Variants in CADPS2 observed in about 807,000 individuals in gnomAD.
The protein encoded by CADPS2 is calcium-dependent secretion activator 2.
A neutral mutation model predicts 172.5 loss-of-function variants in CADPS2; 93 were observed. That is an observed-to-expected ratio of 0.54 (90% CI 0.46 to 0.64). The LOEUF (loss-of-function observed/expected upper bound fraction) is 0.64, where lower values mean the gene tolerates loss of function less well. CADPS2 is among the 30% of genes least tolerant of loss of function. The pLI is 0.00. For missense variants in CADPS2, 1,420 were observed against 1,565.9 expected (o/e 0.91, Z 1.57); for synonymous variants, 546 against 555.2 (o/e 0.98, Z 0.23).
At chr7:122,702,687 TAAGCCTC>T in intron 2 of CADPS2, 1 of 1,612,960 alleles carries the variant, frequency 6.2e-7, no homozygotes, top group Non-Finnish European at 8.5e-7. Flanking sequence ...AGAAAGATAC[TAAGCCTC>T]AAAAGTCCAG....
rs1208650031 is a variant in CADPS2 at position 122,477,080 on chromosome 7, GA to G, written c.1862-2564del. Among the ~76,000 whole-genome samples the G allele has an allele frequency of 1.7e-4, 26 of 149,886 alleles. No individual in the cohort carries two copies. The East Asian group carries it at 2.4e-3, about 14-fold the overall frequency. On this transcript the variant is annotated intron_variant, in intron 12 of 29. Coordinates refer to ENST00000449022, the MANE Select transcript of CADPS2 (RefSeq NM_017954.11). ...AGAGAGAGAGAGAGAGAGAGAGAGA[GA>G]GGGAGAGAGAGAGGTAGGTAGATAG... is the stretch of plus-strand genomic sequence containing the variant.
At chr7:122,831,292 A>G (rs1806468133) in intron 1 of CADPS2, among the ~76,000 whole-genome samples, 1 of 152,204 alleles carries the variant, frequency 6.6e-6, no homozygotes, top group Admixed American at 6.5e-5. Context: ...TCAAGCAACA[A>G]AATGACTGTT....
chr7:122,540,107 TAA>T (rs1467168668), intron 8 of CADPS2, among the ~76,000 whole-genome samples: 1 of 152,106 alleles, frequency 6.6e-6, no homozygotes, highest in East Asian at 1.9e-4. Flanking sequence ...TCTAGAATTT[TAA>T]AAGTCCACTG....
Position 122,416,154 on chromosome 7 carries a change from G to A in CADPS2, c.2487C>T (p.Asn829=). 2 of 1,538,936 alleles carry A rather than the reference G, an allele frequency of 1.3e-6. No individual in the cohort carries two copies. The highest frequency in any genetic ancestry group is 1.9e-5 in the Admixed American group (1 of 52,182). The part of the protein sequence containing the change: ...TEYAKIEETM[N]QASPARKLEE... ...CCAGCTTTCTAGCAGGAGATGCCTGGTTCATGGTCTCTATATGAAAAAAAA... is the reference window on the plus strand; with the variant it reads ...CCAGCTTTCTAGCAGGAGATGCCTGATTCATGGTCTCTATATGAAAAAAAA... The change falls in exon 18 of 30, where the codon AAC becomes AAT. Residue 829 remains asparagine, a synonymous_variant. Transcript: ENST00000449022.
intron 2 of CADPS2, chr7:122,703,080 CA>C: frequency 8.8e-6 from 2 of 227,796 alleles, no homozygotes; most frequent in Admixed American, 5.1e-5. Context: ...TCCTATTGGC[CA>C]AAAAGCTAAG....
chr7:122,709,478 C>T (rs1202181475), intron 2 of CADPS2, among the ~76,000 whole-genome samples: 1 of 151,820 alleles, frequency 6.6e-6, no homozygotes, highest in Non-Finnish European at 1.5e-5. Context: ...ACTAGTTCAA[C>T]CATTGTGGAA....
Position 122,480,043 on chromosome 7 carries a change from A to G in CADPS2, c.1861+809T>C, listed in dbSNP as rs185714798. On this transcript the variant is annotated intron_variant, in intron 12 of 29. Coordinates refer to ENST00000449022, the MANE Select transcript of CADPS2 (RefSeq NM_017954.11). The stretch of plus-strand genomic sequence containing the variant: ...TGTGTGCACTGCATTTTGGTTGGAG[A>G]GAACAAAGTACAGTTTAACCAAAGA... The G allele has an allele frequency of 1.5e-4, 70 of 465,572 alleles. No individual in the cohort carries two copies. In the Admixed American group the frequency reaches 1.7e-3, roughly 11 times the overall value. 28.8% of individuals were successfully genotyped at this position (465,572 alleles called of 1,614,324 possible).
intron 9 of CADPS2, among the ~76,000 whole-genome samples, chr7:122,509,668 G>A (rs113880080): frequency 4.6e-5 from 7 of 152,236 alleles, no homozygotes; most frequent in African/African-American, 1.2e-4. Context: ...AATCATAGCA[G>A]TATGGCAGAG....
rs191238876 is a variant in CADPS2 at position 122,330,196 on chromosome 7, A to G, written c.3613-4615T>C. Reference sequence around the variant, plus strand: ...AGTTGAGTCATTGTGTTAAAATGAAATAACGCCAAGAAAATCTCACCTTAG... The same window carrying G: ...AGTTGAGTCATTGTGTTAAAATGAAGTAACGCCAAGAAAATCTCACCTTAG... On this transcript the variant is annotated intron_variant, in intron 28 of 29. Coordinates refer to ENST00000449022, the MANE Select transcript of CADPS2 (RefSeq NM_017954.11). Among the ~76,000 whole-genome samples the G allele has an allele frequency of 2.0e-5, 3 of 152,340 alleles. No individual in the cohort carries two copies. The East Asian group carries it at 5.8e-4, about 29-fold the overall frequency.
chr7:122,846,098 G>C (rs1053884264), intron 1 of CADPS2, among the ~76,000 whole-genome samples: 2 of 151,948 alleles, frequency 1.3e-5, no homozygotes, highest in African/African-American at 4.8e-5. Flanking sequence ...TGTAATGCAG[G>C]GTACTAAATG....
chr7:122,467,721 G>A (rs944707769), intron 14 of CADPS2, among the ~76,000 whole-genome samples: 2 of 152,104 alleles, frequency 1.3e-5, no homozygotes, highest in African/African-American at 4.8e-5. Flanking sequence ...ATTTTGTGTT[G>A]CTGCTTCAGT....
At chr7:122,453,278 T>C (rs191852833) in intron 14 of CADPS2, among the ~76,000 whole-genome samples, 54 of 152,266 alleles carry the variant, frequency 3.5e-4, no homozygotes, top group Admixed American at 2.7e-3. Context: ...AACGCATAAA[T>C]TACAAAGCAG....
At position 122,338,927 on chromosome 7, in the gene CADPS2, A is replaced by AT. The variant is rs72188819; in HGVS notation, c.3612+6646dup. On this transcript the variant is annotated intron_variant, in intron 28 of 29. Transcript: ENST00000449022. ...AGGAACATACTATCATGCTAGGCTAATTTTTTTTTTTTTTTTTTGTAGAGA... is the reference window on the plus strand; with the variant it reads ...AGGAACATACTATCATGCTAGGCTAATTTTTTTTTTTTTTTTTTTGTAGAGA... 9.5e-3 allele frequency: 1,313 copies of AT among 137,774 alleles called. 11 individuals carry two copies. Among genetic ancestry groups the AT allele is most frequent in the South Asian group, 0.02 (84 of 4,300 alleles). 8.5% of individuals were successfully genotyped at this position (137,774 alleles called of 1,614,324 possible). A position where few individuals can be genotyped will look rare whatever the true frequency, so the allele number is the denominator to read the frequency against.
At chr7:122,485,473 G>T (rs1282292719) in intron 11 of CADPS2, among the ~76,000 whole-genome samples, 1 of 152,192 alleles carries the variant, frequency 6.6e-6, no homozygotes, top group Non-Finnish European at 1.5e-5. Context: ...TTAAACCAAA[G>T]CCTAATCCAG....
intron 2 of CADPS2, among the ~76,000 whole-genome samples, chr7:122,700,465 C>A (rs577513451): frequency 6.6e-6 from 1 of 152,230 alleles, no homozygotes; most frequent in South Asian, 2.1e-4. Context: ...TACATCCCTG[C>A]ACATTTTAAA....
At chr7:122,516,762 C>T (rs945173490) in intron 8 of CADPS2, among the ~76,000 whole-genome samples, 3 of 151,820 alleles carry the variant, frequency 2.0e-5, no homozygotes, top group African/African-American at 4.8e-5. Flanking sequence ...GAGAAATATC[C>T]GGAAAAATGC....
rs1463634153 is a variant in CADPS2, at chr7:122,787,971, T to G, written c.340-50903A>C. Among the ~76,000 whole-genome samples, 3 of 152,154 alleles carry G rather than the reference T, an allele frequency of 2.0e-5. No homozygotes were observed. The East Asian group carries it at 5.8e-4, about 29-fold the overall frequency. ...AACTAGAGAGAGGAAAGGAAGATCCTGACAAATAGAACTCAAAGACTAGCT... is the reference window on the plus strand; with the variant it reads ...AACTAGAGAGAGGAAAGGAAGATCCGGACAAATAGAACTCAAAGACTAGCT... On this transcript the variant is annotated intron_variant, in intron 1 of 29. Coordinates refer to ENST00000449022, the MANE Select transcript of CADPS2 (RefSeq NM_017954.11).
intron 3 of CADPS2, among the ~76,000 whole-genome samples, chr7:122,649,312 A>T (rs754951211): frequency 1.3e-5 from 2 of 152,070 alleles, no homozygotes. Flanking sequence ...AACCTTTATT[A>T]AACTTCAATT....
At chr7:122,865,845 A>C (rs1019739802) in intron 1 of CADPS2, among the ~76,000 whole-genome samples, 2 of 152,224 alleles carry the variant, frequency 1.3e-5, no homozygotes, top group African/African-American at 4.8e-5. Flanking sequence ...GTAGATAACC[A>C]TATTCCAAGT....
Sources: allele counts gnomAD v4.1 joint callset (sites outside exome capture counted in the v4.1 genomes callset), GRCh38; gene constraint gnomAD v4.1.1; transcripts MANE v1.5; gene names NCBI Gene and HGNC (gene_info 2026-07-23, HGNC 2026-07-21).